Variants in TRMT6 observed in about 807,000 individuals in gnomAD.
The protein encoded by TRMT6 is tRNA methyltransferase 6 non-catalytic subunit.
TRMT6 carries 34 observed loss-of-function variants against 59.0 expected under a neutral mutation model. That is an observed-to-expected ratio of 0.58 (90% confidence interval 0.44 to 0.77). The LOEUF (loss-of-function observed/expected upper bound fraction) is 0.77, where lower values mean the gene tolerates loss of function less well. Among genes scored for constraint, TRMT6 ranks in the 30% least tolerant of loss-of-function variants. The pLI is 0.00. For synonymous variants in TRMT6, 217 were observed against 210.5 expected, an observed-to-expected ratio of 1.03 and a Z score of -0.27; for missense variants, 575 against 604.5, an observed-to-expected ratio of 0.95 and a Z score of 0.51.
chr20:5,949,254 G>A (rs2088746419), intron 1 of TRMT6, among the ~76,000 whole-genome samples: 1 of 151,776 alleles, frequency 6.6e-6, no homozygotes. Context: ...CCAGCCACTA[G>A]GGAGGCTGAG....
rs149852193 is a variant in TRMT6, at chr20:5,943,765, T to G, written c.543-82A>C. 1,266 of 1,554,634 alleles carry G rather than the reference T, an allele frequency of 8.1e-4. 9 individuals are homozygous for G. The African/African-American group carries it at 0.016, about 20-fold the overall frequency. On this transcript the variant is annotated intron_variant, in intron 5 of 10. Coordinates refer to ENST00000203001, the MANE Select transcript of TRMT6 (RefSeq NM_015939.5). ...TCATCATTTTTCAAGTTTTGTTTGC[T>G]TTATTAAAATTGTGTTGATAAGATT...
intron 9 of TRMT6, 40 bp from the exon 10 acceptor site, chr20:5,941,179 G>C: frequency 6.2e-7 from 1 of 1,603,510 alleles, no homozygotes; most frequent in Non-Finnish European, 8.5e-7. Flanking sequence ...ACTACTTCCT[G>C]GGATGCAGTT....
chr20:5,943,448 T>C, intron 6 of TRMT6, 111 bp downstream of exon 6: 1 of 1,438,898 alleles, frequency 6.9e-7, no homozygotes, highest in Non-Finnish European at 9.5e-7. Flanking sequence ...CCCAAGTCAC[T>C]TTGTTAACCC....
chr20:5,950,165 C>G (rs940553303), intron 1 of TRMT6, 113 bp downstream of exon 1: 3 of 1,178,274 alleles, frequency 2.5e-6, no homozygotes, highest in Admixed American at 4.6e-5. Context: ...GGAATGGGGA[C>G]CGAGAGAGCC....
In TRMT6 at chr20:5,938,571, T is replaced by G; in HGVS notation, c.1458A>C (p.Ala486=). ...TLESHETEEP[A]AKKRKCPESD... ...ACTCTGGGCATTTTCGTTTTTTAGCTGCAGGCTCCTCAGTCTCGTGTGATT... is the reference window on the plus strand; with the variant it reads ...ACTCTGGGCATTTTCGTTTTTTAGCGGCAGGCTCCTCAGTCTCGTGTGATT... Residue 486 remains alanine, a synonymous_variant, in exon 11 of 11, where the codon GCA becomes GCC. Coordinates refer to ENST00000203001, the MANE Select transcript of TRMT6 (RefSeq NM_015939.5). 1 of 1,614,178 alleles carries G rather than the reference T, an allele frequency of 6.2e-7. No individual in the cohort carries two copies. The highest frequency in any genetic ancestry group is 8.5e-7 in the Non-Finnish European group (1 of 1,180,006).
At chr20:5,947,422 A>C (rs563414586) in intron 1 of TRMT6, among the ~76,000 whole-genome samples, 37 of 152,324 alleles carry the variant, frequency 2.4e-4, no homozygotes, top group African/African-American at 8.4e-4. Flanking sequence ...TGATTACGAC[A>C]GAATATACTG....
intron 10 of TRMT6, among the ~76,000 whole-genome samples, chr20:5,939,434 T>C (rs925931733): frequency 7.0e-6 from 1 of 143,184 alleles, no homozygotes; most frequent in African/African-American, 2.7e-5. Context: ...TGAGCCAAGA[T>C]CGCGCCACTG....
At chr20:5,945,050 T>C (rs553565618) in intron 2 of TRMT6, 136 bp from the exon 3 acceptor site, 1 of 641,788 alleles carries the variant, frequency 1.6e-6, no homozygotes, top group South Asian at 2.0e-5. Context: ...CATCACACTA[T>C]CCTTTCCTGC....
At chr20:5,943,188 G>A (rs1022744739) in intron 6 of TRMT6, among the ~76,000 whole-genome samples, 3 of 95,276 alleles carry the variant, frequency 3.1e-5, no homozygotes, top group African/African-American at 1.7e-4. Context: ...CTTCCAGAGA[G>A]AATACATGCT....
intron 8 of TRMT6, 173 bp downstream of exon 8, chr20:5,941,778 A>T: frequency 1.5e-6 from 1 of 646,110 alleles, no homozygotes; most frequent in Non-Finnish European, 2.7e-6. Flanking sequence ...CAGCATCATC[A>T]ATTCCCCACC....
chr20:5,940,190 A>G (rs574620654), intron 10 of TRMT6, among the ~76,000 whole-genome samples: 20 of 152,284 alleles, frequency 1.3e-4, no homozygotes, highest in African/African-American at 4.6e-4. Context: ...TTGCCCAGGC[A>G]TCAACCTGCA....
chr20:5,938,661 G>A lies in TRMT6; in HGVS notation c.1368C>T (p.Gly456=). Residue 456 remains glycine (G), a synonymous_variant, in exon 11 of 11, where the codon GGC becomes GGT. Coordinates refer to ENST00000203001, the MANE Select transcript of TRMT6 (RefSeq NM_015939.5). ...MSGGGGYLLS[G]FTVAMDNLKA... ...TAAGGTTGTCCATGGCAACGGTGAA[G>A]CCGGAGAGAAGATAACCCCCACCTC... 1 of 1,614,204 alleles carries A rather than the reference G, an allele frequency of 6.2e-7. No individual in the cohort carries two copies. The highest frequency in any genetic ancestry group is 8.5e-7 in the Non-Finnish European group (1 of 1,180,036).
chr20:5,946,282 T>C, intron 2 of TRMT6, 124 bp downstream of exon 2: 1 of 1,227,826 alleles, frequency 8.1e-7, no homozygotes, highest in Non-Finnish European at 1.2e-6. Context: ...GCTGCAGTTC[T>C]TAGATTATGA....
chr20:5,942,292 C>T, intron 7 of TRMT6, 136 bp downstream of exon 7: 1 of 856,748 alleles, frequency 1.2e-6, no homozygotes, highest in African/African-American at 1.7e-5. Flanking sequence ...TATACATGTA[C>T]ACACACTCGT....
At chr20:5,948,989 C>T (rs1010095734) in intron 1 of TRMT6, among the ~76,000 whole-genome samples, 10 of 152,184 alleles carry the variant, frequency 6.6e-5, no homozygotes, top group Admixed American at 6.5e-5. Flanking sequence ...ACTTCCCAGT[C>T]TGCAGAAAGC....
At chr20:5,938,844 C>A (rs2088631175) in intron 10 of TRMT6, 118 bp from the exon 11 acceptor site, 6 of 901,788 alleles carry the variant, frequency 6.7e-6, no homozygotes, top group South Asian at 2.3e-5. Flanking sequence ...TTTAAATGGA[C>A]ATTTTTTTTT....
rs769987469 is a variant in TRMT6, at chr20:5,942,491, C to T, written c.963G>A (p.Met321Ile). ...GTTCTGGATCTTGAGAAATTGTTTCCATTGTTTCCTGGTCTTCTGGGTGGT... is the reference window on the plus strand; with the variant it reads ...GTTCTGGATCTTGAGAAATTGTTTCTATTGTTTCCTGGTCTTCTGGGTGGT... ...ESNHPEDQET[M>I]ETISQDPEHK... Residue 321 changes from methionine to isoleucine, a missense_variant, in exon 7 of 11, where the codon ATG becomes ATA. Transcript: ENST00000203001. 2.7e-5 allele frequency: 44 copies of T among 1,613,862 alleles called. No individual in the cohort carries two copies. The South Asian group carries it at 4.7e-4, about 17-fold the overall frequency.
chr20:5,943,640 T>C lies in TRMT6; in HGVS notation c.586A>G (p.Asn196Asp). 1 of 1,614,218 alleles carries C rather than the reference T, an allele frequency of 6.2e-7. No homozygotes were observed. Among genetic ancestry groups the C allele is most frequent in the Non-Finnish European group, 8.5e-7 (1 of 1,180,020 alleles). ...ATCATTTTGTTGCCAGCACGGATAT[T>C]TCCCAACGTCAACATCTGGGCTAGT... ...DTLAQMLTLG[N>D]IRAGNKMIVM... Residue 196 changes from asparagine (N) to aspartate (D), a missense_variant, in exon 6 of 11, where the codon AAT becomes GAT. Transcript: ENST00000203001.
Position 5,938,048 on chromosome 20 carries a change from C to G in TRMT6, c.*487G>C, listed in dbSNP as rs1428854137. 1 of 152,382 alleles carries G rather than the reference C, an allele frequency of 6.6e-6. No individual in the cohort carries two copies. The highest frequency in any genetic ancestry group is 6.5e-5 in the Admixed American group (1 of 15,284). The allele number at this position is 152,382 out of a possible 1,614,324, so 9.4% of individuals were successfully genotyped here. A position where few individuals can be genotyped will look rare whatever the true frequency, so the allele number is the denominator to read the frequency against. ...CAGCATTTCAAAAAAGCTTATTCCG[C>G]TGCAGGAAAGAAGGTGGACATTTTT... On this transcript the variant is annotated 3_prime_UTR_variant, in exon 11 of 11. Coordinates refer to ENST00000203001, the MANE Select transcript of TRMT6 (RefSeq NM_015939.5).
Sources: allele counts gnomAD v4.1 joint callset (sites outside exome capture counted in the v4.1 genomes callset), GRCh38; gene constraint gnomAD v4.1.1; transcripts MANE v1.5; gene names NCBI Gene and HGNC (gene_info 2026-07-23, HGNC 2026-07-21).